The following TASP1 variants were observed in gnomAD, a reference collection of about 807,000 sequenced individuals.
TASP1 encodes taspase 1.
Under a neutral mutation model 56.6 loss-of-function variants are expected in TASP1, and 16 were observed. The observed-to-expected ratio is 0.28, with a 90% CI of 0.19 to 0.43. The LOEUF (loss-of-function observed/expected upper bound fraction) is 0.43. Among genes scored for constraint, TASP1 ranks in the 20% least tolerant of loss-of-function variants. The pLI is 1.00. For synonymous variants in TASP1, 179 were observed against 184.2 expected, an observed-to-expected ratio of 0.97 and a Z score of 0.23; for missense variants, 393 against 511.6, an observed-to-expected ratio of 0.77 and a Z score of 2.24.
chr20:13,497,720 A>G (rs1211659014), intron 10 of TASP1, among the ~76,000 whole-genome samples: 1 of 152,214 alleles, frequency 6.6e-6, no homozygotes, highest in Non-Finnish European at 1.5e-5. Context: ...GCATCACACT[A>G]TCTGACTTTA....
the TASP1 span, chr20:13,126,533 C>T: frequency 1.3e-6 from 2 of 1,594,800 alleles, no homozygotes; most frequent in Admixed American, 1.7e-5. Flanking sequence ...GATGTAATTC[C>T]CACCACCAGT....
At chr20:13,632,501 C>G (rs1017744137) in intron 1 of TASP1, among the ~76,000 whole-genome samples, 1 of 152,066 alleles carries the variant, frequency 6.6e-6, no homozygotes, top group Non-Finnish European at 1.5e-5. Context: ...TGCTTCTCAA[C>G]GTTGTCTAAA....
the TASP1 span, among the ~76,000 whole-genome samples, chr20:13,111,750 G>C: frequency 9.9e-5 from 15 of 152,076 alleles, no homozygotes; most frequent in Non-Finnish European, 2.1e-4. Context: ...GAGCAGACTG[G>C]GCATCTCCTT....
At chr20:13,438,264 G>T (rs1476309504) in intron 11 of TASP1, among the ~76,000 whole-genome samples, 1 of 152,114 alleles carries the variant, frequency 6.6e-6, no homozygotes, top group African/African-American at 2.4e-5. Flanking sequence ...ATACTACAAG[G>T]CTACAGTAAT....
the TASP1 span, among the ~76,000 whole-genome samples, chr20:13,310,221 T>C: frequency 6.6e-6 from 1 of 152,196 alleles, no homozygotes; most frequent in Admixed American, 6.5e-5. Flanking sequence ...AACAACATGA[T>C]ACTAACATAT....
intron 8 of TASP1, among the ~76,000 whole-genome samples, chr20:13,544,261 A>C (rs950209773): frequency 6.6e-6 from 1 of 152,134 alleles, no homozygotes; most frequent in African/African-American, 2.4e-5. Context: ...CTATGAGGTC[A>C]TTTGGTACTG....
At chr20:13,326,569 G>C in the TASP1 span, among the ~76,000 whole-genome samples, 1 of 151,922 alleles carries the variant, frequency 6.6e-6, no homozygotes, top group African/African-American at 2.4e-5. Context: ...GGTATATAGT[G>C]GTATCTCAAC....
intron 5 of TASP1, among the ~76,000 whole-genome samples, chr20:13,585,851 G>A (rs991504794): frequency 2.0e-5 from 3 of 152,086 alleles, no homozygotes; most frequent in African/African-American, 4.8e-5. Context: ...AAGTACATAC[G>A]TGGCCAGGCA....
At chr20:13,136,969 GC>G in the TASP1 span, among the ~76,000 whole-genome samples, 1 of 152,034 alleles carries the variant, frequency 6.6e-6, no homozygotes, top group Middle Eastern at 3.4e-3. Context: ...GGAAGAAAAA[GC>G]TTAACAAGCC....
chr20:13,413,063 TCCTGGCACTGCA>T (rs1460436187), intron 13 of TASP1, among the ~76,000 whole-genome samples: 1 of 152,082 alleles, frequency 6.6e-6, no homozygotes, highest in Non-Finnish European at 1.5e-5. Context: ...GGCTCCAACT[TCCTGGCACTGCA>T]CCCATCCCAA....
At chr20:13,118,453 AAAAAAAC>A in the TASP1 span, among the ~76,000 whole-genome samples, 14 of 150,586 alleles carry the variant, frequency 9.3e-5, no homozygotes, top group East Asian at 1.9e-4. Flanking sequence ...TTTGTGGAAA[AAAAAAAC>A]AAAAAAAAAC....
In TASP1 at chr20:13,609,207, T is replaced by C. The variant is rs544425784; in HGVS notation, c.282+14239A>G. ...AACATTAATATATCCAATATCATGA[T>C]CATCAGCGAAATGAAAACCAAAACT... On this transcript the variant is annotated intron_variant, in intron 4 of 13. Transcript: ENST00000337743. Among the ~76,000 whole-genome samples the C allele has an allele frequency of 2.0e-4, 30 of 152,228 alleles. 2 individuals are homozygous for C. The highest frequency in any genetic ancestry group is 7.0e-4 in the African/African-American group (29 of 41,540).
the TASP1 span, among the ~76,000 whole-genome samples, chr20:13,280,450 T>G: frequency 2.1e-5 from 3 of 145,308 alleles, no homozygotes; most frequent in Non-Finnish European, 4.6e-5. Context: ...TCCTGTGTTT[T>G]GGGAGTAGGA....
the TASP1 span, among the ~76,000 whole-genome samples, chr20:13,249,978 A>C: frequency 6.6e-6 from 1 of 152,212 alleles, no homozygotes; most frequent in African/African-American, 2.4e-5. Context: ...AAAATCCAGG[A>C]GGAGGCCCAA....
chr20:13,635,862 C>T (rs1406264639), intron 1 of TASP1, among the ~76,000 whole-genome samples: 1 of 152,214 alleles, frequency 6.6e-6, no homozygotes, highest in African/African-American at 2.4e-5. Flanking sequence ...ACTTTCATGG[C>T]ACTAATTTAA....
At chr20:13,224,495 C>T in the TASP1 span, among the ~76,000 whole-genome samples, 10 of 152,186 alleles carry the variant, frequency 6.6e-5, no homozygotes, top group Admixed American at 5.9e-4. Context: ...AAGTCTTAAA[C>T]ATCATCTAAA....
chr20:13,574,680 C>T (rs545206223), intron 6 of TASP1, among the ~76,000 whole-genome samples: 44 of 151,988 alleles, frequency 2.9e-4, no homozygotes, highest in African/African-American at 1.0e-3. Context: ...AATAACAATA[C>T]ATAAAGAAAT....
At chr20:13,379,500 C>A in the TASP1 span, among the ~76,000 whole-genome samples, 1 of 152,072 alleles carries the variant, frequency 6.6e-6, no homozygotes, top group Non-Finnish European at 1.5e-5. Flanking sequence ...CTCTGGCTAC[C>A]CTTAATATTT....
the TASP1 span, among the ~76,000 whole-genome samples, chr20:13,111,783 A>C: frequency 6.6e-6 from 1 of 152,304 alleles, no homozygotes; most frequent in Admixed American, 6.5e-5. Flanking sequence ...ACAAAACCCA[A>C]CTGCAAATAA....
Sources: gnomAD v4.1 joint callset for allele counts (sites outside exome capture counted in the v4.1 genomes callset) on GRCh38, gnomAD v4.1.1 for gene constraint, MANE v1.5 for transcripts, NCBI Gene and HGNC (gene_info 2026-07-23, HGNC 2026-07-21) for gene names.